The following ZNF423 variants were observed in gnomAD, a reference collection of about 807,000 sequenced individuals.
ZNF423 encodes Ebf-associated zinc finger protein.
ZNF423 carries 12 observed loss-of-function variants against 95.8 expected under a neutral mutation model. The ratio of observed to expected loss-of-function variants is 0.13; its 90% CI spans 0.08 to 0.20. ZNF423 has a LOEUF of 0.20. Ranked by LOEUF, ZNF423 falls within the 10% of genes least tolerant of loss-of-function variation. The pLI is 1.00. For missense variants in ZNF423, 1,316 were observed against 1,737.1 expected, an observed-to-expected ratio of 0.76 and a Z score of 4.31; for synonymous variants, 749 against 711.9, an observed-to-expected ratio of 1.05 and a Z score of -0.83.
At chr16:49,691,110 G>GCAGAGGGACCGA (rs1410400541) in intron 3 of ZNF423, among the ~76,000 whole-genome samples, 21 of 152,240 alleles carry the variant, frequency 1.4e-4, no homozygotes, top group Admixed American at 6.5e-4. Context: ...GCCGACCAGG[G>GCAGAGGGACCGA]CAGAGGGCCC....
intron 5 of ZNF423, among the ~76,000 whole-genome samples, chr16:49,556,425 C>T (rs970681851): frequency 3.3e-5 from 5 of 152,200 alleles, no homozygotes; most frequent in Admixed American, 6.5e-5. Context: ...CATTGATTTG[C>T]TAGCTGTCCT....
chr16:49,824,355 T>C (rs187326593), intron 1 of ZNF423, among the ~76,000 whole-genome samples: 11 of 152,246 alleles, frequency 7.2e-5, no homozygotes, highest in African/African-American at 2.4e-4. Flanking sequence ...TACAGGCCCA[T>C]GGTTCCTCAG....
intron 4 of ZNF423, among the ~76,000 whole-genome samples, chr16:49,627,016 CCCAT>C (rs1479897122): frequency 4.8e-5 from 3 of 62,896 alleles, no homozygotes; most frequent in Non-Finnish European, 8.1e-5. Flanking sequence ...CATCCATATA[CCCAT>C]CCATCCATCT....
At chr16:49,853,552 A>G (rs2035324961) in intron 1 of ZNF423, 1 of 827,730 alleles carries the variant, frequency 1.2e-6, no homozygotes, top group South Asian at 5.5e-5. Flanking sequence ...TGTGGCTGAT[A>G]TTTACAACAC....
At chr16:49,642,801 C>CTT (rs55662710) in intron 3 of ZNF423, among the ~76,000 whole-genome samples, 2,020 of 90,928 alleles carry the variant, frequency 0.022, 8 homozygotes, top group South Asian at 0.029. Flanking sequence ...GTTCTCTTTT[C>CTT]TTTTTTTTTT....
chr16:49,848,636 A>G (rs1029781721), intron 1 of ZNF423, among the ~76,000 whole-genome samples: 2 of 152,216 alleles, frequency 1.3e-5, no homozygotes, highest in African/African-American at 2.4e-5. Flanking sequence ...TTATATCCCA[A>G]TTCAGAAGAT....
intron 5 of ZNF423, among the ~76,000 whole-genome samples, chr16:49,528,261 C>A (rs965330671): frequency 6.6e-6 from 1 of 152,140 alleles, no homozygotes; most frequent in African/African-American, 2.4e-5. Flanking sequence ...ACTTTCCGTT[C>A]TCCGAGTGCC....
chr16:49,762,952 C>T (rs184390796), intron 2 of ZNF423, among the ~76,000 whole-genome samples: 1 of 152,204 alleles, frequency 6.6e-6, no homozygotes, highest in Admixed American at 6.5e-5. Flanking sequence ...ACTGCAGCCT[C>T]GGACTCCTGG....
Position 49,674,308 on chromosome 16 carries a change from C to T in ZNF423, c.302-35434G>A, listed in dbSNP as rs185795640. On this transcript the variant is annotated intron_variant, in intron 3 of 7. Transcript: ENST00000563137. The stretch of plus-strand genomic sequence containing the variant: ...GTAACCTCTCCTAAAGCAAGTGTCA[C>T]CGAGTGCCTAAGGGATTTGTGGTGT... Among the ~76,000 whole-genome samples, 5 of 152,284 alleles carry T rather than the reference C, an allele frequency of 3.3e-5. No homozygotes were observed. In the East Asian group the frequency reaches 9.7e-4, roughly 29 times the overall value.
At chr16:49,523,178 A>G (rs1337646040) in intron 7 of ZNF423, among the ~76,000 whole-genome samples, 1 of 151,838 alleles carries the variant, frequency 6.6e-6, no homozygotes, top group Non-Finnish European at 1.5e-5. Context: ...GGGCACCACT[A>G]CTCTTCTTTT....
At chr16:49,609,584 G>A (rs1971654239) in intron 5 of ZNF423, among the ~76,000 whole-genome samples, 1 of 152,086 alleles carries the variant, frequency 6.6e-6, no homozygotes, top group Non-Finnish European at 1.5e-5. Flanking sequence ...GGATAAAGGA[G>A]AAAATCTTAA....
chr16:49,851,516 C>T (rs2035301213), intron 1 of ZNF423, among the ~76,000 whole-genome samples: 1 of 152,248 alleles, frequency 6.6e-6, no homozygotes, highest in Admixed American at 6.5e-5. Flanking sequence ...CCCAGCCTTT[C>T]GTCTCCAGCT....
At chr16:49,773,306 A>G (rs1342783284) in intron 2 of ZNF423, among the ~76,000 whole-genome samples, 2 of 152,072 alleles carry the variant, frequency 1.3e-5, no homozygotes, top group African/African-American at 2.4e-5. Context: ...GTGACAGAGC[A>G]AGACTCCATC....
intron 4 of ZNF423, among the ~76,000 whole-genome samples, chr16:49,629,543 C>T (rs1324939852): frequency 6.6e-6 from 1 of 152,190 alleles, no homozygotes; most frequent in African/African-American, 2.4e-5. Context: ...TCTGAGAAGA[C>T]TTCTCTTTTC....
At chr16:49,798,339 C>A (rs376435977) in intron 1 of ZNF423, among the ~76,000 whole-genome samples, 2 of 152,172 alleles carry the variant, frequency 1.3e-5, no homozygotes, top group African/African-American at 4.8e-5. Context: ...GAAACCCCAT[C>A]TCTGCTAGAA....
intron 1 of ZNF423, among the ~76,000 whole-genome samples, chr16:49,793,535 GA>G (rs2034449453): frequency 6.6e-6 from 1 of 152,228 alleles, no homozygotes; most frequent in South Asian, 2.1e-4. Context: ...CTGAAGCCAA[GA>G]GATACACACC....
At chr16:49,623,353 C>G (rs956398016) in intron 5 of ZNF423, among the ~76,000 whole-genome samples, 5 of 152,156 alleles carry the variant, frequency 3.3e-5, no homozygotes, top group Admixed American at 2.6e-4. Flanking sequence ...TTTTGTGTTT[C>G]CCACAACTCT....
intron 3 of ZNF423, among the ~76,000 whole-genome samples, chr16:49,714,666 C>A (rs2032650562): frequency 6.6e-6 from 1 of 151,192 alleles, no homozygotes; most frequent in Non-Finnish European, 1.5e-5. Context: ...CAATGGCTCA[C>A]ACCTGTAATC....
chr16:49,644,658 C>CAAAAA lies in ZNF423; in HGVS notation c.302-5789_302-5785dup, dbSNP rs56066766. On this transcript the variant is annotated intron_variant, in intron 3 of 7. Coordinates refer to ENST00000563137, the MANE Select transcript of ZNF423 (RefSeq NM_001379286.1). ...GGGTAACAAGAGTAAAACTCTGACTCAAAAAAAAAAAAAAAAAAAAAAAAA... is the reference window on the plus strand; with the variant it reads ...GGGTAACAAGAGTAAAACTCTGACTCAAAAAAAAAAAAAAAAAAAAAAAAAAAAAA... Among the ~76,000 whole-genome samples the CAAAAA allele has an allele frequency of 4.3e-4, 17 of 39,580 alleles. 3 individuals are homozygous for CAAAAA. Among genetic ancestry groups the CAAAAA allele is most frequent in the Non-Finnish European group, 5.6e-4 (13 of 23,014 alleles). The allele number at this position is 39,580 out of a possible 152,430, so 26.0% of individuals were successfully genotyped here. A position where few individuals can be genotyped will look rare whatever the true frequency, so the allele number is the denominator to read the frequency against.
Sources: allele counts gnomAD v4.1 joint callset (sites outside exome capture counted in the v4.1 genomes callset), GRCh38; gene constraint gnomAD v4.1.1; transcripts MANE v1.5; gene names NCBI Gene and HGNC (gene_info 2026-07-23, HGNC 2026-07-21).